The following IQGAP1 variants were observed in gnomAD, a reference collection of about 807,000 sequenced individuals.
The protein encoded by IQGAP1 is IQ motif containing GTPase activating protein 1, also known as ras GTPase-activating-like protein IQGAP1.
Under a neutral mutation model 215.6 loss-of-function variants are expected in IQGAP1, and 66 were observed. That is an observed-to-expected ratio of 0.31 (90% confidence interval 0.25 to 0.38). The LOEUF (loss-of-function observed/expected upper bound fraction) is 0.38. Among genes scored for constraint, IQGAP1 ranks in the 10% least tolerant of loss-of-function variants. IQGAP1 has a pLI of 1.00. For missense variants in IQGAP1, 1,712 were observed against 1,997.1 expected (o/e 0.86, Z 2.72); for synonymous variants, 772 against 728.7 (o/e 1.06, Z -0.96).
chr15:90,442,684 C>T (rs1405318355), intron 8 of IQGAP1, among the ~76,000 whole-genome samples: 6 of 152,144 alleles, frequency 3.9e-5, no homozygotes, highest in African/African-American at 1.2e-4. Flanking sequence ...CCATTCTGCT[C>T]AGATCTGAGG....
chr15:90,456,981 G>GA (rs60769473), intron 15 of IQGAP1, among the ~76,000 whole-genome samples: 26,889 of 112,078 alleles, frequency 0.24, 3,158 homozygotes, highest in East Asian at 0.55. Context: ...ATACGATCCA[G>GA]AAAAAAAAAT....
In IQGAP1 at chr15:90,429,660, G is replaced by A. The variant is rs752471470; in HGVS notation, c.384G>A (p.Leu128=). 7.5e-6 allele frequency: 12 copies of A among 1,602,110 alleles called. No individual in the cohort carries two copies. Among genetic ancestry groups the A allele is most frequent in the Non-Finnish European group, 1.0e-5 (12 of 1,174,164 alleles). The change falls in exon 4 of 38, where the codon TTG becomes TTA. Residue 128 remains leucine, a synonymous_variant. Transcript: ENST00000268182. Reference sequence around the variant, plus strand: ...TGAATGCCATGGATGAGATTGGATTGCCTAAGGTAACTTACCTGAGATAAT... The same window carrying A: ...TGAATGCCATGGATGAGATTGGATTACCTAAGGTAACTTACCTGAGATAAT... ...QWLNAMDEIG[L]PKIFYPETTD... is the part of the protein sequence containing the mutation.
intron 33 of IQGAP1, among the ~76,000 whole-genome samples, chr15:90,488,207 C>T (rs927794003): frequency 1.3e-5 from 2 of 148,374 alleles, no homozygotes; most frequent in African/African-American, 2.6e-5. Flanking sequence ...GGCGACAGAG[C>T]GAGACTCCGT....
intron 14 of IQGAP1, among the ~76,000 whole-genome samples, chr15:90,455,018 A>T (rs1434587575): frequency 6.6e-6 from 1 of 152,200 alleles, no homozygotes; most frequent in African/African-American, 2.4e-5. Context: ...ACTCAAGAAA[A>T]TGCTAGACTT....
At position 90,426,320 on chromosome 15, in the gene IQGAP1, A is replaced by G. The variant is rs573666111; in HGVS notation, c.312+54A>G. On this transcript the variant is annotated intron_variant, in intron 3 of 37. Transcript: ENST00000268182. ...TTTCTGTCAACTTGAGAAAGTTAGC[A>G]TGTTTTATTTTGTGTAAGAGTTATT... The G allele has an allele frequency of 1.1e-4, 173 of 1,554,798 alleles. 1 individual carries two copies. The African/African-American group carries it at 2.1e-3, about 19-fold the overall frequency.
intron 15 of IQGAP1, among the ~76,000 whole-genome samples, chr15:90,465,346 A>G (rs751972044): frequency 2.1e-4 from 32 of 152,166 alleles, no homozygotes; most frequent in Non-Finnish European, 3.7e-4. Flanking sequence ...GCATATTCAT[A>G]TATATACCCT....
In IQGAP1 at chr15:90,410,562, C is replaced by CAAT. The variant is rs548074627; in HGVS notation, c.156-15547_156-15546insATA. On this transcript the variant is annotated intron_variant, in intron 2 of 37. Coordinates refer to ENST00000268182, the MANE Select transcript of IQGAP1 (RefSeq NM_003870.4). ...GGACATGGATGAAGCTGGAAACTATCATTCTCAGCAAACTATCACAAGGAC... is the reference window on the plus strand; with the variant it reads ...GGACATGGATGAAGCTGGAAACTATCAATATTCTCAGCAAACTATCACAAGGAC... Among the ~76,000 whole-genome samples, 151 of 152,168 alleles carry CAAT rather than the reference C, an allele frequency of 9.9e-4. 1 individual carries two copies. The highest frequency in any genetic ancestry group is 3.4e-3 in the African/African-American group (143 of 41,512).
chr15:90,467,394 T>C, intron 17 of IQGAP1, 56 bp from the exon 18 acceptor site: 1 of 1,543,984 alleles, frequency 6.5e-7, no homozygotes, highest in Non-Finnish European at 8.8e-7. Flanking sequence ...GTTCTGGACG[T>C]ACAGCTGGGG....
intron 5 of IQGAP1, among the ~76,000 whole-genome samples, chr15:90,434,287 A>C (rs1965340660): frequency 6.6e-6 from 1 of 152,056 alleles, no homozygotes; most frequent in Admixed American, 6.6e-5. Flanking sequence ...AAATACAAAA[A>C]ATTAGCTGGG....
chr15:90,426,983 T>G (rs1965232475), intron 3 of IQGAP1, among the ~76,000 whole-genome samples: 2 of 151,696 alleles, frequency 1.3e-5, no homozygotes, highest in Non-Finnish European at 2.9e-5. Flanking sequence ...AAGCCTAATT[T>G]TAGGCTGGGC....
In IQGAP1 at chr15:90,496,306, C is replaced by CTTTTTTTTTTTTT. The variant is rs552222380; in HGVS notation, c.4752-909_4752-897dup. Among the ~76,000 whole-genome samples the CTTTTTTTTTTTTT allele has an allele frequency of 5.4e-4, 57 of 106,116 alleles. 3 individuals are homozygous for CTTTTTTTTTTTTT. Among genetic ancestry groups the CTTTTTTTTTTTTT allele is most frequent in the Middle Eastern group, 4.9e-3 (1 of 204 alleles). 69.6% of individuals were successfully genotyped at this position (106,116 alleles called of 152,430 possible). A position where few individuals can be genotyped will look rare whatever the true frequency, so the allele number is the denominator to read the frequency against. On this transcript the variant is annotated intron_variant, in intron 36 of 37. Transcript: ENST00000268182. ...GATCATCCAGAGAACAGCATAATCC[C>CTTTTTTTTTTTTT]TTTTTTTTTTTTTTTTTTTTTTTTT...
rs60942485 is a variant in IQGAP1 at position 90,399,399 on chromosome 15, A to G, written c.155+8526A>G. ...TTTATCAGTATTATTTTCTTATGCA[A>G]ATTTTCTGTTTTTGTTATGTGCCTG... On this transcript the variant is annotated intron_variant, in intron 2 of 37. Transcript: ENST00000268182. 7.8e-3 allele frequency among the ~76,000 whole-genome samples: 1,188 copies of G among 152,142 alleles called. 10 individuals are homozygous for G. Among genetic ancestry groups the G allele is most frequent in the African/African-American group, 0.027 (1,141 of 41,524 alleles).
intron 3 of IQGAP1, 65 bp downstream of exon 3, chr15:90,426,331 T>G: frequency 6.6e-7 from 1 of 1,524,828 alleles, no homozygotes; most frequent in Non-Finnish European, 8.8e-7. Flanking sequence ...TGTTTTATTT[T>G]GTGTAAGAGT....
intron 2 of IQGAP1, chr15:90,397,888 C>CTTTTTTTTTT (rs763133807): frequency 4.5e-5 from 2 of 44,374 alleles, no homozygotes; most frequent in Admixed American, 2.7e-4. Context: ...TTTTTTTTTT[C>CTTTTTTTTTT]TTTTTTTTTT....
In IQGAP1 at chr15:90,499,936, C is replaced by G. The variant is rs746169055; in HGVS notation, c.4861-59C>G. ...CTACATTGTGTCCTTTTTCCTTGTT[C>G]CACAGACTTGATTAACTGTCAAAAT... On this transcript the variant is annotated intron_variant, in intron 37 of 37. Coordinates refer to ENST00000268182, the MANE Select transcript of IQGAP1 (RefSeq NM_003870.4). The G allele has an allele frequency of 2.4e-5, 28 of 1,147,548 alleles. No homozygotes were observed. The highest frequency in any genetic ancestry group is 3.4e-5 in the Non-Finnish European group (26 of 771,096). 71.1% of individuals were successfully genotyped at this position (1,147,548 alleles called of 1,614,324 possible). A position where few individuals can be genotyped will look rare whatever the true frequency, so the allele number is the denominator to read the frequency against.
intron 18 of IQGAP1, among the ~76,000 whole-genome samples, chr15:90,472,603 A>C (rs956535399): frequency 6.6e-6 from 1 of 152,064 alleles, no homozygotes; most frequent in African/African-American, 2.4e-5. Context: ...TGACATATGA[A>C]GTAAAAGAAG....
At chr15:90,497,178 T>C (rs2151041559) in intron 36 of IQGAP1, 54 bp from the exon 37 acceptor site, 1 of 929,928 alleles carries the variant, frequency 1.1e-6, no homozygotes, top group African/African-American at 1.7e-5. Context: ...TTTCACAGAA[T>C]ATTTTTATAT....
At chr15:90,489,717 A>G (rs574611956) in intron 33 of IQGAP1, among the ~76,000 whole-genome samples, 2 of 152,334 alleles carry the variant, frequency 1.3e-5, no homozygotes, top group African/African-American at 4.8e-5. Flanking sequence ...ATGACTGATT[A>G]CTGATTAGAT....
chr15:90,452,231 TA>T (rs772847250), intron 11 of IQGAP1, among the ~76,000 whole-genome samples: 116 of 152,270 alleles, frequency 7.6e-4, no homozygotes, highest in Non-Finnish European at 1.3e-3. Flanking sequence ...AGGTGAGACT[TA>T]AGGGATCGCT....
Sources: allele counts gnomAD v4.1 joint callset (sites outside exome capture counted in the v4.1 genomes callset), GRCh38; gene constraint gnomAD v4.1.1; transcripts MANE v1.5; gene names NCBI Gene and HGNC (gene_info 2026-07-23, HGNC 2026-07-21).